Variants in DIP2C observed in about 807,000 individuals in gnomAD.
DIP2C encodes the protein DIP2 acetate--CoA ligase C (putative).
Under a neutral mutation model 192.4 loss-of-function variants are expected in DIP2C, and 33 were observed. The ratio of observed to expected loss-of-function variants is 0.17; its 90% CI spans 0.13 to 0.23. DIP2C has a LOEUF of 0.23. DIP2C is among the 10% of genes least tolerant of loss of function. DIP2C has a pLI of 1.00. For missense variants in DIP2C, 1,537 were observed against 2,110.1 expected (o/e 0.73, Z 5.32); for synonymous variants, 979 against 864.1 (o/e 1.13, Z -2.33).
Position 563,720 on chromosome 10 carries a change from G to A in DIP2C, c.86-77190C>T, listed in dbSNP as rs558081413. On this transcript the variant is annotated intron_variant, in intron 1 of 36. Coordinates refer to ENST00000280886, the MANE Select transcript of DIP2C (RefSeq NM_014974.3). ...ATTTGATTACAGCAGCCAAAGATGC[G>A]TCCAGAGGAAGAGAGACTTTTAAAG... Among the ~76,000 whole-genome samples, 11 of 152,326 alleles carry A rather than the reference G, an allele frequency of 7.2e-5. No individual in the cohort carries two copies. The South Asian group carries it at 1.4e-3, about 20-fold the overall frequency.
intron 22 of DIP2C, among the ~76,000 whole-genome samples, chr10:359,688 C>T (rs1344394950): frequency 3.3e-5 from 5 of 152,172 alleles, no homozygotes; most frequent in South Asian, 2.1e-4. Context: ...CACCTGGGAG[C>T]CCCTGCACGA....
chr10:453,185 C>A (rs1296499822), intron 3 of DIP2C, among the ~76,000 whole-genome samples: 5 of 152,174 alleles, frequency 3.3e-5, no homozygotes, highest in Admixed American at 3.3e-4. Flanking sequence ...TGTGCAGCAT[C>A]AGAAATCCAT....
chr10:583,807 C>A (rs1346515762), intron 1 of DIP2C, among the ~76,000 whole-genome samples: 2 of 152,230 alleles, frequency 1.3e-5, no homozygotes, highest in Admixed American at 6.5e-5. Context: ...CAAAAACACA[C>A]CACTGCCCAA....
At chr10:532,777 G>A (rs1356476471) in intron 1 of DIP2C, among the ~76,000 whole-genome samples, 1 of 151,510 alleles carries the variant, frequency 6.6e-6, no homozygotes, top group Non-Finnish European at 1.5e-5. Context: ...ATGGGTGTGT[G>A]AGAGAGTATG....
At chr10:526,553 G>A (rs972606526) in intron 1 of DIP2C, among the ~76,000 whole-genome samples, 1 of 151,424 alleles carries the variant, frequency 6.6e-6, no homozygotes, top group Non-Finnish European at 1.5e-5. Context: ...AAAAATCCGT[G>A]GCATTTAATA....
At chr10:527,051 CCACA>C (rs1390195061) in intron 1 of DIP2C, among the ~76,000 whole-genome samples, 1 of 152,214 alleles carries the variant, frequency 6.6e-6, no homozygotes, top group African/African-American at 2.4e-5. Flanking sequence ...CAGTGAGCCA[CCACA>C]CATTCAGTGA....
chr10:400,630 A>G (rs1194877644), intron 9 of DIP2C, among the ~76,000 whole-genome samples: 1 of 146,784 alleles, frequency 6.8e-6, no homozygotes. Context: ...GAATCCTGTG[A>G]TTTTACATGT....
At chr10:287,602 G>C (rs1955214364) in intron 33 of DIP2C, among the ~76,000 whole-genome samples, 1 of 143,186 alleles carries the variant, frequency 7.0e-6, no homozygotes, top group African/African-American at 2.6e-5. Flanking sequence ...CTTTATAATA[G>C]AAGCAACATG....
At chr10:450,685 G>C (rs1296612455) in intron 3 of DIP2C, among the ~76,000 whole-genome samples, 1 of 152,032 alleles carries the variant, frequency 6.6e-6, no homozygotes, top group East Asian at 1.9e-4. Flanking sequence ...AAGACCCCCA[G>C]GGTGACGACA....
At chr10:562,413 G>A (rs569101676) in intron 1 of DIP2C, among the ~76,000 whole-genome samples, 1 of 152,180 alleles carries the variant, frequency 6.6e-6, no homozygotes, top group Non-Finnish European at 1.5e-5. Context: ...CTATTCAAAG[G>A]CATGTTTTTG....
chr10:682,333 T>C (rs1044290709), intron 1 of DIP2C, among the ~76,000 whole-genome samples: 1 of 152,200 alleles, frequency 6.6e-6, no homozygotes, highest in African/African-American at 2.4e-5. Context: ...TGATTTAACA[T>C]ACCAATTTTA....
chr10:497,734 C>T (rs900050572), intron 1 of DIP2C, among the ~76,000 whole-genome samples: 1 of 152,136 alleles, frequency 6.6e-6, no homozygotes, highest in African/African-American at 2.4e-5. Flanking sequence ...TGGCTAGTTC[C>T]GCCATACAGA....
intron 1 of DIP2C, among the ~76,000 whole-genome samples, chr10:560,065 C>A (rs773426167): frequency 6.6e-6 from 1 of 151,880 alleles, no homozygotes; most frequent in Non-Finnish European, 1.5e-5. Context: ...GTCACAGACA[C>A]CCAGCACTGC....
intron 22 of DIP2C, 150 bp from the exon 23 acceptor site, chr10:358,087 T>C (rs1323089019): frequency 5.1e-6 from 3 of 582,596 alleles, no homozygotes; most frequent in Non-Finnish European, 6.0e-6. Flanking sequence ...TTCAACGAAA[T>C]CAAATGATTG....
At chr10:435,500 G>A (rs118105631) in intron 4 of DIP2C, among the ~76,000 whole-genome samples, 151 of 152,312 alleles carry the variant, frequency 9.9e-4, no homozygotes, top group Middle Eastern at 3.4e-3. Context: ...CCTCACTACA[G>A]CAATTTGTCA....
chr10:619,996 G>A (rs1316018230), intron 1 of DIP2C, among the ~76,000 whole-genome samples: 1 of 152,198 alleles, frequency 6.6e-6, no homozygotes, highest in African/African-American at 2.4e-5. Context: ...CACATCACCG[G>A]CAAGACACCC....
intron 1 of DIP2C, among the ~76,000 whole-genome samples, chr10:597,179 C>A (rs2131673804): frequency 6.6e-6 from 1 of 152,348 alleles, no homozygotes; most frequent in East Asian, 1.9e-4. Flanking sequence ...CCAGTGGCAT[C>A]CGTCTTCTGC....
At chr10:331,085 G>A (rs1311546147) in intron 29 of DIP2C, among the ~76,000 whole-genome samples, 2 of 151,146 alleles carry the variant, frequency 1.3e-5, no homozygotes, top group Admixed American at 6.6e-5. Flanking sequence ...CAAAGTGCTA[G>A]GATTATAGGC....
rs1958686978 is a variant in DIP2C at position 349,475 on chromosome 10, C to CAA, written c.2986-23_2986-22dup. The CAA allele has an allele frequency of 2.5e-6, 4 of 1,590,442 alleles. No homozygotes were observed. In the South Asian group the frequency reaches 4.4e-5, roughly 18 times the overall value. On this transcript the variant is annotated intron_variant, in intron 24 of 36. Coordinates refer to ENST00000280886, the MANE Select transcript of DIP2C (RefSeq NM_014974.3). ...GCACCCTGCGGGCCGATCACAGGGA[C>CAA]AAGCACATAAGATTCCTTCAGCAGA...
Sources: allele counts gnomAD v4.1 joint callset (sites outside exome capture counted in the v4.1 genomes callset), GRCh38; gene constraint gnomAD v4.1.1; transcripts MANE v1.5; gene names NCBI Gene and HGNC (gene_info 2026-07-23, HGNC 2026-07-21).